The following UBA6 variants were observed in gnomAD, a reference collection of about 807,000 sequenced individuals.
UBA6 encodes the protein ubiquitin like modifier activating enzyme 6.
UBA6 carries 87 observed loss-of-function variants against 148.3 expected under a neutral mutation model. The observed-to-expected ratio is 0.59, with a 90% CI of 0.49 to 0.70. The LOEUF (loss-of-function observed/expected upper bound fraction) is 0.70, where lower values mean the gene tolerates loss of function less well. Among genes scored for constraint, UBA6 ranks in the 30% least tolerant of loss-of-function variants. UBA6 has a pLI of 0.00. For synonymous variants in UBA6, 376 were observed against 401.0 expected, an observed-to-expected ratio of 0.94 and a Z score of 0.75; for missense variants, 1,186 against 1,241.2, an observed-to-expected ratio of 0.96 and a Z score of 0.67.
Position 67,630,524 on chromosome 4 carries a change from A to T in UBA6, c.2270T>A (p.Phe757Tyr). ...FDLNEPLHLS[F>Y]LQNAAKLYAT... ...ATATAGTTTTGCAGCATTCTGAAGG[A>T]AACTGAGGTGCCTTTTGAAATTAAA... is the stretch of plus-strand genomic sequence containing the variant. The change falls in exon 26 of 33, where the codon TTC (phenylalanine) becomes TAC (tyrosine). Residue 757 changes from phenylalanine (F) to tyrosine (Y), a missense_variant. By Grantham distance (22) the Phe-to-Tyr change is conservative. Coordinates refer to ENST00000322244, the MANE Select transcript of UBA6 (RefSeq NM_018227.6). 1 of 1,579,976 alleles carries T rather than the reference A, an allele frequency of 6.3e-7. No individual in the cohort carries two copies. The highest frequency in any genetic ancestry group is 1.4e-5 in the African/African-American group (1 of 73,892).
chr4:67,681,543 T>TA lies in UBA6; in HGVS notation c.258+19dup. 2 of 1,552,062 alleles carry TA rather than the reference T, an allele frequency of 1.3e-6. No individual in the cohort carries two copies. The highest frequency in any genetic ancestry group is 1.7e-6 in the Non-Finnish European group (2 of 1,153,532). On this transcript the variant is annotated intron_variant, in intron 4 of 32. Transcript: ENST00000322244. ...AAAAAAGGCTCATAACAATTTTTCT[T>TA]ACAGAGGACATTTACTTACCTTAAT... is the stretch of plus-strand genomic sequence containing the variant.
intron 31 of UBA6, 61 bp from the exon 32 acceptor site, chr4:67,622,986 T>C: frequency 4.2e-6 from 6 of 1,441,614 alleles, no homozygotes; most frequent in Non-Finnish European, 5.8e-6. Flanking sequence ...AAATGCTTAT[T>C]TAACATTGTT....
Position 67,634,365 on chromosome 4 carries a change from G to C in UBA6, c.1933-43C>G, listed in dbSNP as rs573935565. ...AAAAAAAAATTACAAATAGAAGTCT[G>C]TTTAAAGTCAGAAATATCTTCTTTC... On this transcript the variant is annotated intron_variant, in intron 21 of 32. Transcript: ENST00000322244. 20 of 1,555,874 alleles carry C rather than the reference G, an allele frequency of 1.3e-5. No homozygotes were observed. In the East Asian group the frequency reaches 3.8e-4, roughly 30 times the overall value.
Position 67,616,797 on chromosome 4 carries a change from A to G in UBA6, c.*2200T>C, listed in dbSNP as rs1239547713. On this transcript the variant is annotated 3_prime_UTR_variant, in exon 33 of 33. Coordinates refer to ENST00000322244, the MANE Select transcript of UBA6 (RefSeq NM_018227.6). ...AGTCAACTTATGAAACATGATTTACAAAGATATTCTTACATTTCTTAATTT... is the reference window on the plus strand; with the variant it reads ...AGTCAACTTATGAAACATGATTTACGAAGATATTCTTACATTTCTTAATTT... 1.3e-5 allele frequency: 2 copies of G among 152,164 alleles called. No individual in the cohort carries two copies. The highest frequency in any genetic ancestry group is 2.1e-4 in the South Asian group (1 of 4,830). 9.4% of individuals were successfully genotyped at this position (152,164 alleles called of 1,614,324 possible). A position where few individuals can be genotyped will look rare whatever the true frequency, so the allele number is the denominator to read the frequency against.
chr4:67,627,518 T>C (rs534548991), intron 27 of UBA6, among the ~76,000 whole-genome samples: 1 of 152,030 alleles, frequency 6.6e-6, no homozygotes, highest in Admixed American at 6.6e-5. Context: ...GAAAGTAAAG[T>C]TAAAGCATTT....
At chr4:67,658,556 G>T (rs1159647066) in intron 13 of UBA6, among the ~76,000 whole-genome samples, 2 of 152,130 alleles carry the variant, frequency 1.3e-5, no homozygotes, top group Non-Finnish European at 1.5e-5. Flanking sequence ...CTGGAGGGTG[G>T]GAAGAGGGGG....
rs922690058 is a variant in UBA6, at chr4:67,642,094, T to C, written c.1477-866A>G. On this transcript the variant is annotated intron_variant, in intron 17 of 32. Coordinates refer to ENST00000322244, the MANE Select transcript of UBA6 (RefSeq NM_018227.6). Reference sequence around the variant, plus strand: ...TGGAAAAAAAATCAAACAGAAAATATCTTTTAACAAAAAAGCTTAATCAAT... The same window carrying C: ...TGGAAAAAAAATCAAACAGAAAATACCTTTTAACAAAAAAGCTTAATCAAT... Among the ~76,000 whole-genome samples the C allele has an allele frequency of 3.3e-5, 5 of 152,166 alleles. No homozygotes were observed. In the East Asian group the frequency reaches 7.7e-4, roughly 24 times the overall value.
rs537482348 is a variant in UBA6, at chr4:67,623,589, A to C, written c.2841-367T>G. Among the ~76,000 whole-genome samples, 3 of 152,302 alleles carry C rather than the reference A, an allele frequency of 2.0e-5. No homozygotes were observed. In the East Asian group the frequency reaches 5.8e-4, roughly 29 times the overall value. Reference sequence around the variant, plus strand: ...CATTGGCCACGATAAATAATGCCAGAATAATTATCTTGCAAATATATAGTT... The same window carrying C: ...CATTGGCCACGATAAATAATGCCAGCATAATTATCTTGCAAATATATAGTT... On this transcript the variant is annotated intron_variant, in intron 30 of 32. Coordinates refer to ENST00000322244, the MANE Select transcript of UBA6 (RefSeq NM_018227.6).
At chr4:67,681,677 T>A (rs925037738) in intron 3 of UBA6, 86 bp from the exon 4 acceptor site, 2 of 884,412 alleles carry the variant, frequency 2.3e-6, no homozygotes. Flanking sequence ...CATATCTGAC[T>A]GCATACTTTT....
chr4:67,698,230 G>T (rs1156954874), intron 1 of UBA6, among the ~76,000 whole-genome samples: 1 of 152,018 alleles, frequency 6.6e-6, no homozygotes, highest in Non-Finnish European at 1.5e-5. Context: ...CAATAAAATG[G>T]CTACTCTTAT....
At position 67,631,716 on chromosome 4, in the gene UBA6, A is replaced by C; in HGVS notation, c.2250T>G (p.Asn750Lys). The change falls in exon 25 of 33, where the codon AAT (asparagine) becomes AAG (lysine). Residue 750 changes from asparagine (N) to lysine (K), a missense_variant. Transcript: ENST00000322244. ...RPPSPIKFDLNEPLHLSFLQN... is the reference protein window; with the variant it reads ...RPPSPIKFDLKEPLHLSFLQN... ...TAAATATAAATACTTACAAAGGCTC[A>C]TTTAAATCAAATTTTATTGGAGAGG... The C allele has an allele frequency of 1.9e-6, 3 of 1,607,374 alleles. No individual in the cohort carries two copies. The highest frequency in any genetic ancestry group is 2.2e-5 in the South Asian group (2 of 90,404).
Position 67,617,654 on chromosome 4 carries a change from T to C in UBA6, c.*1343A>G, listed in dbSNP as rs1038402951. The C allele has an allele frequency of 2.6e-5, 4 of 152,102 alleles. No individual in the cohort carries two copies. The highest frequency in any genetic ancestry group is 9.7e-5 in the African/African-American group (4 of 41,440). 9.4% of individuals were successfully genotyped at this position (152,102 alleles called of 1,614,324 possible). On this transcript the variant is annotated 3_prime_UTR_variant, in exon 33 of 33. Coordinates refer to ENST00000322244, the MANE Select transcript of UBA6 (RefSeq NM_018227.6). ...TGAAATAAAAAGAAAGTAGGTATAA[T>C]ACATAGTGTAAAAGATACCAAATTG...
chr4:67,651,235 A>G (rs1305079486), intron 13 of UBA6, among the ~76,000 whole-genome samples: 5 of 152,088 alleles, frequency 3.3e-5, no homozygotes, highest in Non-Finnish European at 5.9e-5. Flanking sequence ...AACGTAGGGG[A>G]AAAAAACAAC....
chr4:67,664,077 G>A (rs1729931053), intron 10 of UBA6, 130 bp from the exon 11 acceptor site: 2 of 590,154 alleles, frequency 3.4e-6, no homozygotes, highest in Non-Finnish European at 5.7e-6. Context: ...GGGTTGGGCT[G>A]GTATGTTTTA....
chr4:67,655,150 AG>A (rs1441589344), intron 13 of UBA6, among the ~76,000 whole-genome samples: 6 of 152,216 alleles, frequency 3.9e-5, no homozygotes, highest in Admixed American at 3.9e-4. Context: ...AAGGTTGACA[AG>A]GATATCCAGG....
intron 1 of UBA6, 54 bp downstream of exon 1, chr4:67,700,995 C>A: frequency 6.2e-7 from 1 of 1,602,262 alleles, no homozygotes; most frequent in South Asian, 1.1e-5. Flanking sequence ...AGCAGAAACC[C>A]GGAGCCTGGG....
rs554705391 is a variant in UBA6 at position 67,676,117 on chromosome 4, G to A, written c.465+1494C>T. On this transcript the variant is annotated intron_variant, in intron 6 of 32. Transcript: ENST00000322244. ...TGGCTCACTGCAACTTCCGCCTCCC[G>A]GGTTCAAGCGATTCTCCTGCCTCAG... Among the ~76,000 whole-genome samples, 674 of 148,718 alleles carry A rather than the reference G, an allele frequency of 4.5e-3. 2 individuals are homozygous for A. The highest frequency in any genetic ancestry group is 7.3e-3 in the Non-Finnish European group (491 of 67,466).
chr4:67,622,889 C>A lies in UBA6; in HGVS notation c.2965G>T (p.Gly989Ter). 1.2e-6 allele frequency: 2 copies of A among 1,612,796 alleles called. No individual in the cohort carries two copies. The highest frequency in any genetic ancestry group is 1.7e-6 in the Non-Finnish European group (2 of 1,179,498). The change falls in exon 32 of 33, where the codon GGA (glycine) becomes TGA (stop). Residue 989 changes from glycine (G) to a stop codon, truncating the protein, a stop_gained. Coordinates refer to ENST00000322244, the MANE Select transcript of UBA6 (RefSeq NM_018227.6). LOFTEE classifies it high-confidence loss of function. ...YGIEPTMVVQGVKMLYVPVMP... is the reference protein window; with the variant it reads ...YGIEPTMVVQ ...ACAGGAACATAAAGCATTTTGACTC[C>A]CTGTACCACCATTGTTGGCTCAATT...
intron 19 of UBA6, chr4:67,638,173 C>G (rs1215564305): frequency 6.6e-6 from 1 of 152,502 alleles, no homozygotes; most frequent in Admixed American, 6.5e-5. Flanking sequence ...GGTGGCAGGT[C>G]AGAGCTGCTG....
Sources: gnomAD v4.1 joint callset for allele counts (sites outside exome capture counted in the v4.1 genomes callset) on GRCh38, gnomAD v4.1.1 for gene constraint, MANE v1.5 for transcripts, NCBI Gene and HGNC (gene_info 2026-07-23, HGNC 2026-07-21) for gene names.